Variants in TMEM108 observed in about 807,000 individuals in gnomAD.
The protein encoded by TMEM108 is transmembrane protein 108.
Under a neutral mutation model 35.1 loss-of-function variants are expected in TMEM108, and 12 were observed. The ratio of observed to expected loss-of-function variants is 0.34; its 90% CI spans 0.22 to 0.55. The LOEUF (loss-of-function observed/expected upper bound fraction) is 0.55. Ranked by LOEUF, TMEM108 falls within the 20% of genes least tolerant of loss-of-function variation. The probability of loss-of-function intolerance (pLI) is 0.89; values close to 1 mark genes in which losing one functional copy is unlikely to be tolerated. For synonymous variants in TMEM108, 287 were observed against 308.6 expected (o/e 0.93, Z 0.73); for missense variants, 680 against 753.3 (o/e 0.90, Z 1.14).
chr3:133,324,703 C>T (rs11925164), intron 3 of TMEM108, among the ~76,000 whole-genome samples: 48,447 of 152,102 alleles, frequency 0.32, 8,520 homozygotes, highest in East Asian at 0.48. Flanking sequence ...AGTGGCTGAA[C>T]GCAGTGGCTC....
intron 3 of TMEM108, among the ~76,000 whole-genome samples, chr3:133,340,277 C>T (rs2071621255): frequency 6.6e-6 from 1 of 151,496 alleles, no homozygotes; most frequent in Non-Finnish European, 1.5e-5. Flanking sequence ...TGCAGAAATT[C>T]AAAGGATCAT....
At chr3:133,072,080 C>T (rs1329161102) in intron 2 of TMEM108, among the ~76,000 whole-genome samples, 2 of 152,066 alleles carry the variant, frequency 1.3e-5, no homozygotes, top group Non-Finnish European at 2.9e-5. Context: ...AAACACAGTC[C>T]TTTGGTGTTG....
At chr3:133,243,874 C>T (rs1370325201) in intron 3 of TMEM108, among the ~76,000 whole-genome samples, 1 of 152,042 alleles carries the variant, frequency 6.6e-6, no homozygotes, top group Non-Finnish European at 1.5e-5. Flanking sequence ...TAGAAGCAGA[C>T]CTAGAACCCT....
intron 3 of TMEM108, among the ~76,000 whole-genome samples, chr3:133,324,860 C>G (rs573795744): frequency 6.6e-6 from 1 of 152,114 alleles, no homozygotes; most frequent in Non-Finnish European, 1.5e-5. Flanking sequence ...CCTGCGATCC[C>G]AGCTATTCAA....
intron 4 of TMEM108, among the ~76,000 whole-genome samples, chr3:133,385,561 C>T (rs1446386458): frequency 6.6e-6 from 1 of 152,214 alleles, no homozygotes; most frequent in Non-Finnish European, 1.5e-5. Flanking sequence ...GTGCACAGCC[C>T]AGGTGCACCC....
At chr3:133,213,390 A>G (rs914909232) in intron 2 of TMEM108, among the ~76,000 whole-genome samples, 1 of 152,238 alleles carries the variant, frequency 6.6e-6, no homozygotes, top group Non-Finnish European at 1.5e-5. Context: ...CAAAGCTACT[A>G]AGTGGCAGGC....
chr3:133,283,900 G>C (rs1029410497), intron 3 of TMEM108, among the ~76,000 whole-genome samples: 5 of 152,196 alleles, frequency 3.3e-5, no homozygotes, highest in Non-Finnish European at 5.9e-5. Flanking sequence ...TCTGAACCAA[G>C]AGATGTAAGA....
At chr3:133,342,142 G>A (rs914371094) in intron 3 of TMEM108, among the ~76,000 whole-genome samples, 1 of 151,470 alleles carries the variant, frequency 6.6e-6, no homozygotes, top group Non-Finnish European at 1.5e-5. Context: ...ATCTGACAAG[G>A]GATTAATAAT....
intron 3 of TMEM108, among the ~76,000 whole-genome samples, chr3:133,368,468 C>G (rs869751): frequency 0.54 from 82,562 of 152,006 alleles, 22,732 homozygotes; most frequent in African/African-American, 0.64. Flanking sequence ...CTTACCATGG[C>G]GGGAGCAATT....
At chr3:133,373,796 C>T (rs1321351550) in intron 3 of TMEM108, among the ~76,000 whole-genome samples, 4 of 152,170 alleles carry the variant, frequency 2.6e-5, no homozygotes, top group Non-Finnish European at 5.9e-5. Context: ...TTCCAGTTAC[C>T]TATTGATAAT....
intron 2 of TMEM108, among the ~76,000 whole-genome samples, chr3:133,182,831 G>C (rs114398249): frequency 0.017 from 2,606 of 152,226 alleles, 96 homozygotes; most frequent in African/African-American, 0.059. Flanking sequence ...ATCTAACTCA[G>C]TTTTTCCTCT....
chr3:133,095,967 C>G (rs1197677990), intron 2 of TMEM108, among the ~76,000 whole-genome samples: 1 of 152,168 alleles, frequency 6.6e-6, no homozygotes, highest in Non-Finnish European at 1.5e-5. Flanking sequence ...AATATTCTTT[C>G]CATTCAACAG....
Position 133,070,745 on chromosome 3 carries a change from ATG to A in TMEM108, c.-47+24751_-47+24752del, listed in dbSNP as rs10530634. Reference sequence around the variant, plus strand: ...TTGCAGTGAATGCTTTCTCTGATGTATGTGTGTGTGTGTGTGTGTGTGTGTGT... The same window carrying A: ...TTGCAGTGAATGCTTTCTCTGATGTATGTGTGTGTGTGTGTGTGTGTGTGT... On this transcript the variant is annotated intron_variant, in intron 2 of 5. Transcript: ENST00000321871. Among the ~76,000 whole-genome samples, 1,271 of 148,126 alleles carry A rather than the reference ATG, an allele frequency of 8.6e-3. 7 individuals are homozygous for A. Among genetic ancestry groups the A allele is most frequent in the African/African-American group, 0.021 (831 of 40,414 alleles).
intron 2 of TMEM108, among the ~76,000 whole-genome samples, chr3:133,059,603 CTG>C (rs1465066622): frequency 1.3e-5 from 2 of 152,178 alleles, no homozygotes; most frequent in Admixed American, 6.5e-5. Flanking sequence ...CATAAATTGG[CTG>C]TGCGGCTGCG....
intron 3 of TMEM108, among the ~76,000 whole-genome samples, chr3:133,257,689 G>A (rs1351370738): frequency 6.6e-6 from 1 of 152,166 alleles, no homozygotes; most frequent in Non-Finnish European, 1.5e-5. Context: ...CTGTTACTGA[G>A]TAAAGGAGCA....
At chr3:133,356,421 C>T (rs1035508517) in intron 3 of TMEM108, among the ~76,000 whole-genome samples, 23 of 152,104 alleles carry the variant, frequency 1.5e-4, no homozygotes, top group Non-Finnish European at 3.1e-4. Context: ...AGATACAATG[C>T]AATTCCTGTC....
intron 3 of TMEM108, among the ~76,000 whole-genome samples, chr3:133,365,234 C>T (rs1214192546): frequency 6.6e-6 from 1 of 152,032 alleles, no homozygotes; most frequent in Non-Finnish European, 1.5e-5. Flanking sequence ...CTACATCAAC[C>T]CGATGCAAAA....
At chr3:133,221,541 C>T (rs1704739884) in intron 2 of TMEM108, among the ~76,000 whole-genome samples, 1 of 151,976 alleles carries the variant, frequency 6.6e-6, no homozygotes, top group African/African-American at 2.4e-5. Context: ...TTACTACTGT[C>T]ACTTTGTTAA....
At chr3:133,222,433 C>T (rs1219691972) in intron 2 of TMEM108, among the ~76,000 whole-genome samples, 2 of 151,956 alleles carry the variant, frequency 1.3e-5, no homozygotes, top group African/African-American at 4.8e-5. Flanking sequence ...TATGTCTTTT[C>T]CCAGATTTGA....
Sources: gnomAD v4.1 joint callset for allele counts (sites outside exome capture counted in the v4.1 genomes callset) on GRCh38, gnomAD v4.1.1 for gene constraint, MANE v1.5 for transcripts, NCBI Gene and HGNC (gene_info 2026-07-23, HGNC 2026-07-21) for gene names.